The following MAGI2 variants were observed in gnomAD, a reference collection of about 807,000 sequenced individuals.
MAGI2 encodes the protein membrane-associated guanylate kinase, WW and PDZ domain-containing protein 2.
MAGI2 carries 35 observed loss-of-function variants against 133.3 expected under a neutral mutation model. The ratio of observed to expected loss-of-function variants is 0.26; its 90% CI spans 0.20 to 0.35. The LOEUF is 0.35. Among genes scored for constraint, MAGI2 ranks in the 10% least tolerant of loss-of-function variants. The probability of loss-of-function intolerance (pLI) is 1.00; values close to 1 mark genes in which losing one functional copy is unlikely to be tolerated. For missense variants in MAGI2, 1,636 were observed against 1,863.4 expected, an observed-to-expected ratio of 0.88 and a Z score of 2.25; for synonymous variants, 729 against 710.6, an observed-to-expected ratio of 1.03 and a Z score of -0.41.
intron 1 of MAGI2, among the ~76,000 whole-genome samples, chr7:79,286,576 G>T (rs1169026405): frequency 1.6e-5 from 2 of 123,734 alleles, no homozygotes; most frequent in African/African-American, 5.4e-5. Flanking sequence ...TCATGTAATA[G>T]GAAGATGTTG....
intron 1 of MAGI2, chr7:79,343,226 G>A (rs1206392167): frequency 1.3e-5 from 2 of 152,116 alleles, no homozygotes; most frequent in African/African-American, 4.8e-5. Context: ...ACCTGCAAAT[G>A]TTTCCTTGTG....
chr7:78,396,010 C>T (rs10281997), intron 6 of MAGI2, among the ~76,000 whole-genome samples: 80,364 of 151,986 alleles, frequency 0.53, 22,233 homozygotes, highest in Middle Eastern at 0.64. Context: ...GCAGAAACCA[C>T]ATGTTTGTCA....
At chr7:78,290,484 A>G (rs919608646) in intron 9 of MAGI2, among the ~76,000 whole-genome samples, 12 of 152,220 alleles carry the variant, frequency 7.9e-5, no homozygotes, top group African/African-American at 2.9e-4. Context: ...TTAGACTCCC[A>G]CACAATAATA....
chr7:78,066,493 TG>T (rs1813841684), intron 21 of MAGI2, among the ~76,000 whole-genome samples: 1 of 151,340 alleles, frequency 6.6e-6, no homozygotes, highest in Non-Finnish European at 1.5e-5. Flanking sequence ...GTTGACTTGC[TG>T]GATATAATTG....
intron 2 of MAGI2, among the ~76,000 whole-genome samples, chr7:78,655,453 C>CCAAAAAAAAAAAAAAAAAAAAACAA (rs1812091384): frequency 2.1e-5 from 1 of 48,368 alleles, no homozygotes; most frequent in Non-Finnish European, 4.4e-5. Context: ...AAAAAAACAA[C>CCAAAAAAAAAAAAAAAAAAAAACAA]CAAAAAAAAA....
intron 20 of MAGI2, among the ~76,000 whole-genome samples, chr7:78,103,612 A>C (rs1232471301): frequency 1.3e-5 from 2 of 152,242 alleles, no homozygotes; most frequent in Non-Finnish European, 2.9e-5. Flanking sequence ...GTAAGTGACG[A>C]AGTTGGGCTC....
intron 2 of MAGI2, among the ~76,000 whole-genome samples, chr7:78,912,639 T>C (rs1455024298): frequency 4.0e-5 from 6 of 151,798 alleles, no homozygotes; most frequent in Non-Finnish European, 8.8e-5. Context: ...AACCAGACTT[T>C]CCTTGCTCCT....
chr7:78,708,309 T>TC (rs1299638590), intron 2 of MAGI2, among the ~76,000 whole-genome samples: 1 of 152,132 alleles, frequency 6.6e-6, no homozygotes. Context: ...ATGACCTATA[T>TC]CCACTTTAAG....
At position 79,062,918 on chromosome 7, in the gene MAGI2, A is replaced by C. The variant is rs528838974; in HGVS notation, c.302-55712T>G. ...TCACAAACTCCTAAAAGAAAGAAAC[A>C]ACCACCCAGTGAAAGTCAATTAGGA... On this transcript the variant is annotated intron_variant, in intron 1 of 21. Transcript: ENST00000354212. Among the ~76,000 whole-genome samples the C allele has an allele frequency of 1.3e-4, 20 of 152,238 alleles. 2 individuals are homozygous for C. In the South Asian group the frequency reaches 4.1e-3, roughly 32 times the overall value.
chr7:78,294,109 T>G (rs1423533022), intron 9 of MAGI2, among the ~76,000 whole-genome samples: 1 of 152,152 alleles, frequency 6.6e-6, no homozygotes, highest in Admixed American at 6.6e-5. Context: ...TAGGAAATAC[T>G]TGCCATTTTC....
intron 1 of MAGI2, among the ~76,000 whole-genome samples, chr7:79,072,119 C>T (rs951465976): frequency 2.0e-5 from 3 of 152,164 alleles, no homozygotes; most frequent in Admixed American, 6.5e-5. Flanking sequence ...CCATGGGCTG[C>T]ACCCACTGTC....
intron 1 of MAGI2, among the ~76,000 whole-genome samples, chr7:79,044,264 G>A (rs979867134): frequency 6.6e-6 from 1 of 152,128 alleles, no homozygotes; most frequent in Non-Finnish European, 1.5e-5. Flanking sequence ...TGGGATGCAA[G>A]GTTGGTTTAA....
chr7:79,295,885 G>T (rs943380511), intron 1 of MAGI2, among the ~76,000 whole-genome samples: 3 of 151,996 alleles, frequency 2.0e-5, no homozygotes, highest in Admixed American at 6.6e-5. Context: ...GACAAATTAT[G>T]TCTTATTACT....
intron 3 of MAGI2, among the ~76,000 whole-genome samples, chr7:78,539,547 A>G (rs1295636450): frequency 6.6e-6 from 1 of 152,090 alleles, no homozygotes; most frequent in African/African-American, 2.4e-5. Context: ...ACTTTCCTCT[A>G]AGCACTACTT....
chr7:78,247,956 C>A (rs1480009440), intron 10 of MAGI2, among the ~76,000 whole-genome samples: 2 of 152,070 alleles, frequency 1.3e-5, no homozygotes, highest in Admixed American at 1.3e-4. Context: ...ATAAAAACAT[C>A]CAGATTAATG....
intron 21 of MAGI2, among the ~76,000 whole-genome samples, chr7:78,067,211 A>G (rs1039574226): frequency 1.3e-5 from 2 of 152,230 alleles, no homozygotes; most frequent in African/African-American, 4.8e-5. Flanking sequence ...TGCAAAAATG[A>G]TCAAGCTGTT....
intron 2 of MAGI2, among the ~76,000 whole-genome samples, chr7:78,657,555 A>G (rs191794173): frequency 6.6e-6 from 1 of 152,224 alleles, no homozygotes; most frequent in African/African-American, 2.4e-5. Flanking sequence ...AAAGATGCCA[A>G]TGTGAAAAGG....
At chr7:78,054,568 G>A (rs1268420129) in intron 21 of MAGI2, among the ~76,000 whole-genome samples, 1 of 149,630 alleles carries the variant, frequency 6.7e-6, no homozygotes, top group Non-Finnish European at 1.5e-5. Context: ...GATTATTTAA[G>A]CCCCTTCATT....
intron 3 of MAGI2, among the ~76,000 whole-genome samples, chr7:78,573,728 G>T (rs1223232347): frequency 6.6e-6 from 1 of 151,710 alleles, no homozygotes; most frequent in South Asian, 2.1e-4. Flanking sequence ...TGTATGATCT[G>T]TGCGAGTGGG....
Sources: allele counts gnomAD v4.1 joint callset (sites outside exome capture counted in the v4.1 genomes callset), GRCh38; gene constraint gnomAD v4.1.1; transcripts MANE v1.5; gene names NCBI Gene and HGNC (gene_info 2026-07-23, HGNC 2026-07-21).